JADE1: variants seen among roughly 807,000 people sequenced by gnomAD.
JADE1 encodes the protein jade family PHD finger 1, also known as protein Jade-1.
JADE1 carries 14 observed loss-of-function variants against 81.8 expected under a neutral mutation model. The ratio of observed to expected loss-of-function variants is 0.17; its 90% CI spans 0.11 to 0.27. JADE1 has a LOEUF of 0.27. Ranked by LOEUF, JADE1 falls within the 10% of genes least tolerant of loss-of-function variation. The pLI is 1.00. For synonymous variants in JADE1, 353 were observed against 391.9 expected (o/e 0.90, Z 1.17); for missense variants, 690 against 1,047.9 (o/e 0.66, Z 4.71).
chr4:128,813,127 C>T (rs796459447), intron 1 of JADE1, among the ~76,000 whole-genome samples: 42 of 152,202 alleles, frequency 2.8e-4, no homozygotes, highest in African/African-American at 9.9e-4. Flanking sequence ...GTAGTGACTC[C>T]CCAGTGGTTA....
At chr4:128,855,424 A>C (rs1294816571) in intron 6 of JADE1, among the ~76,000 whole-genome samples, 1 of 152,202 alleles carries the variant, frequency 6.6e-6, no homozygotes, top group Admixed American at 6.5e-5. Flanking sequence ...TATTATGAAT[A>C]CATATTCACC....
chr4:128,814,942 C>T (rs1726863475), intron 1 of JADE1, among the ~76,000 whole-genome samples: 1 of 152,066 alleles, frequency 6.6e-6, no homozygotes. Flanking sequence ...CAGATTTCCC[C>T]ATTTAGCCCC....
chr4:128,822,096 C>T (rs142943053), intron 1 of JADE1, among the ~76,000 whole-genome samples: 254 of 152,238 alleles, frequency 1.7e-3, no homozygotes, highest in African/African-American at 5.7e-3. Context: ...AAAGAGGTGG[C>T]ATATACATAG....
chr4:128,812,473 T>G (rs979759469), intron 1 of JADE1, among the ~76,000 whole-genome samples: 2 of 151,920 alleles, frequency 1.3e-5, no homozygotes, highest in African/African-American at 4.8e-5. Flanking sequence ...TCCTTAGCCT[T>G]CTCACGTCCC....
At chr4:128,853,606 G>A (rs1447133089) in intron 6 of JADE1, among the ~76,000 whole-genome samples, 1 of 152,148 alleles carries the variant, frequency 6.6e-6, no homozygotes, top group East Asian at 1.9e-4. Context: ...TTGGATTTGG[G>A]TGGGGACATG....
In JADE1 at chr4:128,861,730, C is replaced by A. The variant is rs1731349916; in HGVS notation, c.1008C>A (p.Ala336=). Residue 336 remains alanine, a synonymous_variant, in exon 9 of 11, where the codon GCC becomes GCA. Coordinates refer to ENST00000226319, the MANE Select transcript of JADE1 (RefSeq NM_199320.4). The stretch of plus-strand genomic sequence containing the variant: ...GCTCTGTGAAGAACTGCCGCACAGC[C>A]TTCCATGTGACCTGTGCTTTTGACC... The part of the protein sequence containing the change: ...IQCSVKNCRT[A]FHVTCAFDRG... 1 of 1,614,090 alleles carries A rather than the reference C, an allele frequency of 6.2e-7. No homozygotes were observed. The highest frequency in any genetic ancestry group is 1.1e-5 in the South Asian group (1 of 91,082).
chr4:128,832,648 C>G (rs1441917146), intron 2 of JADE1, among the ~76,000 whole-genome samples: 1 of 152,198 alleles, frequency 6.6e-6, no homozygotes, highest in East Asian at 1.9e-4. Flanking sequence ...ATAGAGATGT[C>G]TTTTTGATGC....
chr4:128,848,743 T>TC (rs1730087391), intron 4 of JADE1, among the ~76,000 whole-genome samples: 1 of 152,064 alleles, frequency 6.6e-6, no homozygotes, highest in Non-Finnish European at 1.5e-5. Context: ...CACAGCAGGG[T>TC]CCCGGGAAGC....
At position 128,874,324 on chromosome 4, in the gene JADE1, T is replaced by C. The variant is rs183201488; in HGVS notation, c.*2062T>C. On this transcript the variant is annotated 3_prime_UTR_variant, in exon 11 of 11. Coordinates refer to ENST00000226319, the MANE Select transcript of JADE1 (RefSeq NM_199320.4). ...CATAGAAAGAAAATCTAAATTAATC[T>C]AGTAAGTGTATGACCTCTCACCATT... is the stretch of plus-strand genomic sequence containing the variant. 7.9e-5 allele frequency: 12 copies of C among 152,718 alleles called. No homozygotes were observed. The highest frequency in any genetic ancestry group is 4.6e-4 in the Admixed American group (7 of 15,294). The allele number at this position is 152,718 out of a possible 1,614,324, so 9.5% of individuals were successfully genotyped here.
rs561686773 is a variant in JADE1, at chr4:128,858,659, G to A, written c.981+1205G>A. 3.3e-5 allele frequency among the ~76,000 whole-genome samples: 5 copies of A among 150,202 alleles called. No homozygotes were observed. The East Asian group carries it at 9.8e-4, about 30-fold the overall frequency. On this transcript the variant is annotated intron_variant, in intron 8 of 10. Transcript: ENST00000226319. ...ACTCTGTCGCCCAAGCTGGAGTGCAGTGGCATCATCTCGGCTCACTGCAAC... is the reference window on the plus strand; with the variant it reads ...ACTCTGTCGCCCAAGCTGGAGTGCAATGGCATCATCTCGGCTCACTGCAAC...
intron 1 of JADE1, chr4:128,827,882 G>A (rs1167476072): frequency 3.0e-6 from 3 of 985,190 alleles, no homozygotes; most frequent in Non-Finnish European, 3.6e-6. Context: ...GCTACCCAGA[G>A]TAATATGCTG....
rs72296886 is a variant in JADE1, at chr4:128,813,407, CT to C, written c.-27+3550del. On this transcript the variant is annotated intron_variant, in intron 1 of 10. Transcript: ENST00000226319. Reference sequence around the variant, plus strand: ...TCTTAGTCTCATTTACTTACGGTCACTTTTTTTTTTTTTTTTTTTTGTTCCT... The same window carrying C: ...TCTTAGTCTCATTTACTTACGGTCACTTTTTTTTTTTTTTTTTTTGTTCCT... Among the ~76,000 whole-genome samples, 520 of 115,542 alleles carry C rather than the reference CT, an allele frequency of 4.5e-3. 3 individuals are homozygous for C. Among genetic ancestry groups the C allele is most frequent in the Non-Finnish European group, 7.0e-3 (414 of 59,288 alleles). 75.8% of individuals were successfully genotyped at this position (115,542 alleles called of 152,430 possible).
At chr4:128,858,097 G>A (rs1174827656) in intron 8 of JADE1, among the ~76,000 whole-genome samples, 2 of 151,848 alleles carry the variant, frequency 1.3e-5, no homozygotes, top group Non-Finnish European at 2.9e-5. Flanking sequence ...GCACGTGTGT[G>A]TGTGTGTGAG....
At chr4:128,819,336 C>G (rs569789486) in intron 1 of JADE1, among the ~76,000 whole-genome samples, 1 of 152,144 alleles carries the variant, frequency 6.6e-6, no homozygotes, top group East Asian at 1.9e-4. Context: ...GTGGCACGAT[C>G]ACGGCTCAGC....
Position 128,852,178 on chromosome 4 carries a change from A to G in JADE1, c.606A>G (p.Glu202=). The change falls in exon 6 of 11, where the codon GAA becomes GAG. Residue 202 remains glutamate (E), a synonymous_variant. Coordinates refer to ENST00000226319, the MANE Select transcript of JADE1 (RefSeq NM_199320.4). Reference sequence around the variant, plus strand: ...AAGGCCTGGGGATCGAATATGATGAAGATGTTGTCTGTGATGTCTGCCAGT... The same window carrying G: ...AAGGCCTGGGGATCGAATATGATGAGGATGTTGTCTGTGATGTCTGCCAGT... ...TEEGLGIEYD[E]DVVCDVCQSP... is the part of the protein sequence containing the mutation. The G allele has an allele frequency of 6.2e-7, 1 of 1,614,158 alleles. No individual in the cohort carries two copies. Among genetic ancestry groups the G allele is most frequent in the Non-Finnish European group, 8.5e-7 (1 of 1,180,012 alleles).
chr4:128,873,722 T>A lies in JADE1; in HGVS notation c.*1460T>A, dbSNP rs1257226739. 1.3e-5 allele frequency: 2 copies of A among 152,342 alleles called. No individual in the cohort carries two copies. Among genetic ancestry groups the A allele is most frequent in the Non-Finnish European group, 2.9e-5 (2 of 68,032 alleles). The allele number at this position is 152,342 out of a possible 1,614,324, so 9.4% of individuals were successfully genotyped here. A position where few individuals can be genotyped will look rare whatever the true frequency, so the allele number is the denominator to read the frequency against. Reference sequence around the variant, plus strand: ...AAGCCCGACTTCCCCTAAATTCTCCTTAGTTTGTTAATACCAGTATTCAGA... The same window carrying A: ...AAGCCCGACTTCCCCTAAATTCTCCATAGTTTGTTAATACCAGTATTCAGA... On this transcript the variant is annotated 3_prime_UTR_variant, in exon 11 of 11. Coordinates refer to ENST00000226319, the MANE Select transcript of JADE1 (RefSeq NM_199320.4).
Position 128,871,367 on chromosome 4 carries a change from C to G in JADE1, c.1634C>G (p.Ser545Cys). Residue 545 changes from serine to cysteine, a missense_variant, in exon 11 of 11, where the codon TCC (serine) becomes TGC (cysteine). By Grantham distance (112) the Ser-to-Cys change is moderately radical (BLOSUM62 -1). Coordinates refer to ENST00000226319, the MANE Select transcript of JADE1 (RefSeq NM_199320.4). This position sits in a 1 kb window ranked among gnomAD's most constrained non-coding sequence, Gnocchi z 4.1. ...TTTATGTTTATAGGTGTGCCTTCTT[C>G]CTGCTCCTCCTCCTCACTGGAAAAC... is the stretch of plus-strand genomic sequence containing the variant. The part of the protein sequence containing the change: ...EQERVSGVPS[S>C]CSSSSLENML... 2.5e-6 allele frequency: 4 copies of G among 1,612,852 alleles called. No individual in the cohort carries two copies. In the East Asian group the frequency reaches 8.9e-5, roughly 36 times the overall value.
At chr4:128,843,513 T>C (rs1271074419) in intron 3 of JADE1, among the ~76,000 whole-genome samples, 1 of 152,174 alleles carries the variant, frequency 6.6e-6, no homozygotes, top group African/African-American at 2.4e-5. Context: ...CTTTCCCCAT[T>C]CTTTCTCAAT....
At chr4:128,851,779 G>A (rs1190054886) in intron 5 of JADE1, among the ~76,000 whole-genome samples, 4 of 152,096 alleles carry the variant, frequency 2.6e-5, no homozygotes, top group African/African-American at 7.2e-5. Flanking sequence ...TTCTCCCACC[G>A]CAGGCTCTTG....
Sources: allele counts gnomAD v4.1 joint callset (sites outside exome capture counted in the v4.1 genomes callset), GRCh38; gene constraint gnomAD v4.1.1; non-coding constraint Gnocchi (gnomAD v3.1); transcripts MANE v1.5; gene names NCBI Gene and HGNC (gene_info 2026-07-23, HGNC 2026-07-21).